Variants in DCUN1D1 observed in about 807,000 individuals in gnomAD.
The protein encoded by DCUN1D1 is DCN1-like protein 1.
A neutral mutation model predicts 39.0 loss-of-function variants in DCUN1D1; 3 were observed. The observed-to-expected ratio is 0.08, with a 90% CI of 0.04 to 0.20. The LOEUF (loss-of-function observed/expected upper bound fraction) is 0.20, where lower values mean the gene tolerates loss of function less well. DCUN1D1 is among the 10% of genes least tolerant of loss of function. DCUN1D1 has a pLI of 1.00. For missense variants in DCUN1D1, 158 were observed against 302.4 expected, an observed-to-expected ratio of 0.52 and a Z score of 3.54; for synonymous variants, 82 against 96.3, an observed-to-expected ratio of 0.85 and a Z score of 0.87.
chr3:182,964,797 C>T lies in DCUN1D1; in HGVS notation c.220+740G>A, dbSNP rs375111532. Among the ~76,000 whole-genome samples, 236 of 152,070 alleles carry T rather than the reference C, an allele frequency of 1.6e-3. 1 individual carries two copies. The highest frequency in any genetic ancestry group is 5.6e-3 in the African/African-American group (233 of 41,484). On this transcript the variant is annotated intron_variant, in intron 2 of 6. Transcript: ENST00000292782. ...CGGGGACTACAGGCACACGCCACCA[C>T]GCCCAGCTAATTTTTGTATTTTTAG... is the stretch of plus-strand genomic sequence containing the variant.
upstream of DCUN1D1, among the ~76,000 whole-genome samples, chr3:182,984,689 C>T (rs531937026): frequency 6.6e-6 from 1 of 152,130 alleles, no homozygotes; most frequent in Non-Finnish European, 1.5e-5. Flanking sequence ...TACGTAAATA[C>T]TTCTTGCCAC....
At position 182,940,093 on chromosome 3, in the gene DCUN1D1, GTTAACGAT is replaced by G. The variant is rs1295168587; in HGVS notation, c.*4993_*5000del. 1 of 152,212 alleles carries G rather than the reference GTTAACGAT, an allele frequency of 6.6e-6. No homozygotes were observed. The highest frequency in any genetic ancestry group is 6.5e-5 in the Admixed American group (1 of 15,282). The allele number at this position is 152,212 out of a possible 1,614,324, so 9.4% of individuals were successfully genotyped here. ...CATGTAATTATGTGACAAAATCACT[GTTAACGAT>G]TTAATTAGCATTGTCCCTTAGCCAT... is the stretch of plus-strand genomic sequence containing the variant. On this transcript the variant is annotated 3_prime_UTR_variant, in exon 7 of 7. Transcript: ENST00000292782.
rs890187862 is a variant in DCUN1D1, at chr3:182,951,524, G to C, written c.521-3892C>G. ...CCAGCTACTCAAGAGGTTGAGGCAG[G>C]AAGAGTGATGGAGCCCAGGAGGTTG... On this transcript the variant is annotated intron_variant, in intron 4 of 6. Transcript: ENST00000292782. Among the ~76,000 whole-genome samples the C allele has an allele frequency of 6.9e-5, 10 of 144,094 alleles. No individual in the cohort carries two copies. In the East Asian group the frequency reaches 1.5e-3, roughly 22 times the overall value. 94.5% of individuals were successfully genotyped at this position (144,094 alleles called of 152,430 possible).
At chr3:182,983,214 A>G (rs1484041458), upstream of DCUN1D1, among the ~76,000 whole-genome samples, 1 of 152,130 alleles carries the variant, frequency 6.6e-6, no homozygotes, top group African/African-American at 2.4e-5. Flanking sequence ...ATACCTCTGC[A>G]TGTTTCCTTG....
intron 1 of DCUN1D1, among the ~76,000 whole-genome samples, chr3:182,976,444 T>TACACACACACACACACAC (rs59465164): frequency 1.4e-5 from 2 of 140,682 alleles, no homozygotes; most frequent in African/African-American, 5.4e-5. Context: ...TATACATACA[T>TACACACACACACACACAC]ACACACACAC....
In DCUN1D1 at chr3:182,964,080, G is replaced by A. The variant is rs764898784; in HGVS notation, c.221-31C>T. On this transcript the variant is annotated intron_variant, in intron 2 of 6. Transcript: ENST00000292782. ...AAAATAACAATGCAATATTAAAGTAGTGTCATATTATGCTACATTATGAAA... is the reference window on the plus strand; with the variant it reads ...AAAATAACAATGCAATATTAAAGTAATGTCATATTATGCTACATTATGAAA... 1.9e-6 allele frequency: 3 copies of A among 1,563,238 alleles called. No homozygotes were observed. In the African/African-American group the frequency reaches 4.0e-5, roughly 21 times the overall value.
Position 182,945,011 on chromosome 3 carries a change from G to C in DCUN1D1, c.*83C>G. Reference sequence around the variant, plus strand: ...ATTGTGAGGATTGATCTTCAGTTCAGTCCAGCCAGCAGAAATTGACTGTGC... The same window carrying C: ...ATTGTGAGGATTGATCTTCAGTTCACTCCAGCCAGCAGAAATTGACTGTGC... On this transcript the variant is annotated 3_prime_UTR_variant, in exon 7 of 7. Coordinates refer to ENST00000292782, the MANE Select transcript of DCUN1D1 (RefSeq NM_020640.4). 8.4e-7 allele frequency: 1 copy of C among 1,192,178 alleles called. No individual in the cohort carries two copies. Among genetic ancestry groups the C allele is most frequent in the South Asian group, 1.3e-5 (1 of 78,790 alleles). 73.8% of individuals were successfully genotyped at this position (1,192,178 alleles called of 1,614,324 possible).
intron 4 of DCUN1D1, among the ~76,000 whole-genome samples, chr3:182,959,501 C>CAAA (rs11373344): frequency 0.2 from 15,840 of 80,712 alleles, 211 homozygotes; most frequent in Non-Finnish European, 0.26. Context: ...CTTCAAAAAC[C>CAAA]AAAAAAAAAA....
At chr3:182,980,640 C>T (rs1040812146), upstream of DCUN1D1, 2 of 985,128 alleles carry the variant, frequency 2.0e-6, no homozygotes, top group South Asian at 9.1e-5. Flanking sequence ...AGCCCCGGAC[C>T]TCGGGGAGGC....
rs369572407 is a variant in DCUN1D1, at chr3:182,958,819, T to G, written c.520+2407A>C. ...TAATATATCCAATAGTTATAAAAAT[T>G]TAATTTTGCTCAATTCTTACCACAA... On this transcript the variant is annotated intron_variant, in intron 4 of 6. Coordinates refer to ENST00000292782, the MANE Select transcript of DCUN1D1 (RefSeq NM_020640.4). Among the ~76,000 whole-genome samples, 120 of 152,304 alleles carry G rather than the reference T, an allele frequency of 7.9e-4. 1 individual carries two copies. The South Asian group carries it at 0.021, about 27-fold the overall frequency.
chr3:182,945,989 C>T (rs1368675330), intron 6 of DCUN1D1, among the ~76,000 whole-genome samples: 1 of 151,832 alleles, frequency 6.6e-6, no homozygotes, highest in East Asian at 1.9e-4. Context: ...CTTAATGATT[C>T]CAGGACACTT....
At position 182,942,123 on chromosome 3, in the gene DCUN1D1, T is replaced by G. The variant is rs1349769930; in HGVS notation, c.*2971A>C. ...ATTTACTTTCTCTCATTAAAACTTTTTAAAAGTCTAAGGAAGGACATGTAC... is the reference window on the plus strand; with the variant it reads ...ATTTACTTTCTCTCATTAAAACTTTGTAAAAGTCTAAGGAAGGACATGTAC... On this transcript the variant is annotated 3_prime_UTR_variant, in exon 7 of 7. Transcript: ENST00000292782. 6.6e-6 allele frequency: 1 copy of G among 152,164 alleles called. No individual in the cohort carries two copies. The highest frequency in any genetic ancestry group is 1.5e-5 in the Non-Finnish European group (1 of 68,000). The allele number at this position is 152,164 out of a possible 1,614,324, so 9.4% of individuals were successfully genotyped here.
At chr3:182,949,541 A>G (rs1438083994) in intron 4 of DCUN1D1, among the ~76,000 whole-genome samples, 1 of 152,156 alleles carries the variant, frequency 6.6e-6, no homozygotes, top group East Asian at 1.9e-4. Flanking sequence ...GCAACATAGC[A>G]AGACCCCATC....
rs1380472895 is a variant in DCUN1D1 at position 182,943,117 on chromosome 3, A to G, written c.*1977T>C. The G allele has an allele frequency of 2.4e-5, 3 of 123,786 alleles. No individual in the cohort carries two copies. Among genetic ancestry groups the G allele is most frequent in the African/African-American group, 1.6e-4 (3 of 18,996 alleles). 7.7% of individuals were successfully genotyped at this position (123,786 alleles called of 1,614,324 possible). On this transcript the variant is annotated 3_prime_UTR_variant, in exon 7 of 7. Coordinates refer to ENST00000292782, the MANE Select transcript of DCUN1D1 (RefSeq NM_020640.4). ...TTTAAAGAAAACACTTTATATTGAA[A>G]AAAAAAAAAAAAAAAAAAAGCTAAT...
At chr3:182,979,183 C>T (rs1469333584) in intron 1 of DCUN1D1, among the ~76,000 whole-genome samples, 23 of 152,158 alleles carry the variant, frequency 1.5e-4, no homozygotes, top group Non-Finnish European at 2.4e-4. Context: ...AGTTTTCTTA[C>T]CAATTCAAAC....
upstream of DCUN1D1, among the ~76,000 whole-genome samples, chr3:182,985,308 T>C (rs1375533862): frequency 1.3e-5 from 2 of 152,158 alleles, no homozygotes; most frequent in Admixed American, 1.3e-4. Flanking sequence ...AAGGAATGAC[T>C]GCCTGGGCCT....
chr3:182,950,259 T>G (rs763550227), intron 4 of DCUN1D1, among the ~76,000 whole-genome samples: 6 of 152,100 alleles, frequency 3.9e-5, no homozygotes, highest in Non-Finnish European at 7.4e-5. Flanking sequence ...GCAATTCTCC[T>G]GCCTCAGCCT....
chr3:182,977,081 T>TG (rs1459619521), intron 1 of DCUN1D1, among the ~76,000 whole-genome samples: 1 of 152,230 alleles, frequency 6.6e-6, no homozygotes, highest in Non-Finnish European at 1.5e-5. Flanking sequence ...ATAAATAACA[T>TG]GGGGTTTCCT....
intron 1 of DCUN1D1, among the ~76,000 whole-genome samples, chr3:182,975,258 G>C (rs1338041048): frequency 6.7e-6 from 1 of 149,980 alleles, no homozygotes; most frequent in Admixed American, 6.7e-5. Context: ...CTCACTGCAA[G>C]CTCCACCTCC....
Sources: allele counts gnomAD v4.1 joint callset (sites outside exome capture counted in the v4.1 genomes callset), GRCh38; gene constraint gnomAD v4.1.1; transcripts MANE v1.5; gene names NCBI Gene and HGNC (gene_info 2026-07-23, HGNC 2026-07-21).